Variants in THRA observed in about 807,000 individuals in gnomAD.
The protein encoded by THRA is thyroid hormone receptor alpha.
THRA carries 13 observed loss-of-function variants against 45.0 expected under a neutral mutation model. The observed-to-expected ratio is 0.29, with a 90% CI of 0.19 to 0.46. The LOEUF is 0.46. THRA is among the 20% of genes least tolerant of loss of function. The pLI, the probability that THRA is intolerant of heterozygous loss-of-function variation, is 1.00. For synonymous variants in THRA, 195 were observed against 214.0 expected, an observed-to-expected ratio of 0.91 and a Z score of 0.78; for missense variants, 278 against 556.1, an observed-to-expected ratio of 0.50 and a Z score of 5.03.
At chr17:40,062,563 T>C (rs1986390874), upstream of THRA, 1 of 152,110 alleles carries the variant, frequency 6.6e-6, no homozygotes, top group East Asian at 1.9e-4. Context: ...AGGCTGCTCG[T>C]CGATACTTCC....
At chr17:40,068,806 C>A (rs1986662898) in intron 1 of THRA, 1 of 152,262 alleles carries the variant, frequency 6.6e-6, no homozygotes, top group South Asian at 2.1e-4. Flanking sequence ...CTGCCTGTTT[C>A]TTTTTCTCTT....
rs1987545809 is a variant in THRA, at chr17:40,091,448, C to G, written c.*1992C>G. 1 of 152,514 alleles carries G rather than the reference C, an allele frequency of 6.6e-6. No individual in the cohort carries two copies. The highest frequency in any genetic ancestry group is 2.4e-5 in the African/African-American group (1 of 41,320). 9.4% of individuals were successfully genotyped at this position (152,514 alleles called of 1,614,324 possible). ...CTCGGGCTGCCCGCGCTGTCTTTGT[C>G]TCTATCCTCTCTCTCTCTCCTGGAG... On this transcript the variant is annotated 3_prime_UTR_variant, in exon 9 of 9. Coordinates refer to ENST00000450525, the MANE Select transcript of THRA (RefSeq NM_199334.5).
intron 7 of THRA, among the ~76,000 whole-genome samples, chr17:40,087,485 A>G (rs902072564): frequency 5.3e-5 from 8 of 152,032 alleles, no homozygotes; most frequent in Admixed American, 4.6e-4. Flanking sequence ...ACACACAGGC[A>G]CACACACACA....
Position 40,074,355 on chromosome 17 carries a change from G to A in THRA, c.-134G>A, listed in dbSNP as rs1986877712. ...ATGGTGTGAAAGGCCAAGTGCTGAGGCGGGTATCATGGGTGCTGTGCCCTA... is the reference window on the plus strand; with the variant it reads ...ATGGTGTGAAAGGCCAAGTGCTGAGACGGGTATCATGGGTGCTGTGCCCTA... On this transcript the variant is annotated 5_prime_UTR_variant, in exon 2 of 9. Transcript: ENST00000450525. 1.1e-6 allele frequency: 1 copy of A among 917,370 alleles called. No individual in the cohort carries two copies. The highest frequency in any genetic ancestry group is 1.7e-6 in the Non-Finnish European group (1 of 581,510). The allele number at this position is 917,370 out of a possible 1,614,324, so 56.8% of individuals were successfully genotyped here. A position where few individuals can be genotyped will look rare whatever the true frequency, so the allele number is the denominator to read the frequency against.
At chr17:40,072,572 C>G (rs1048410295) in intron 1 of THRA, among the ~76,000 whole-genome samples, 1 of 152,104 alleles carries the variant, frequency 6.6e-6, no homozygotes, top group Non-Finnish European at 1.5e-5. Flanking sequence ...CACCCAGACC[C>G]GGAGAGAGAG....
intron 4 of THRA, among the ~76,000 whole-genome samples, chr17:40,082,839 TC>T (rs1987191732): frequency 7.3e-6 from 1 of 137,502 alleles, no homozygotes; most frequent in African/African-American, 2.8e-5. Context: ...CGATCTTGGC[TC>T]ACTGCAACCT....
chr17:40,087,127 A>G (rs1396496933), intron 7 of THRA: 1 of 429,426 alleles, frequency 2.3e-6, no homozygotes, highest in African/African-American at 2.0e-5. Flanking sequence ...CACCCAGCAC[A>G]CAGACACACA....
intron 7 of THRA, among the ~76,000 whole-genome samples, chr17:40,087,273 CCACACAGATACATAGACACACA>C (rs1251078799): frequency 5.4e-5 from 7 of 129,160 alleles, no homozygotes; most frequent in African/African-American, 1.8e-4. Flanking sequence ...TAGCACACAG[CCACACAGATACATAGACACACA>C]CACACAGATA....
intron 2 of THRA, among the ~76,000 whole-genome samples, chr17:40,076,606 C>T (rs934261695): frequency 2.0e-5 from 3 of 152,154 alleles, no homozygotes; most frequent in African/African-American, 4.8e-5. Context: ...ATTATGGGTG[C>T]TTCAGGTCTT....
intron 1 of THRA, among the ~76,000 whole-genome samples, chr17:40,067,391 C>G (rs944827360): frequency 1.5e-4 from 23 of 152,332 alleles, no homozygotes; most frequent in Non-Finnish European, 2.8e-4. Context: ...GGAGGCAGTG[C>G]CCTTCCTCCC....
chr17:40,088,323 C>G lies in THRA; in HGVS notation c.805C>G (p.Pro269Ala), dbSNP rs1278947365. Reference protein sequence around the residue: ...MSLRAAVRYDPESDTLTLSGE... With the variant: ...MSLRAAVRYDAESDTLTLSGE... ...CCTGCGGGCGGCTGTCCGCTACGACCCTGAGAGCGACACCCTGACGCTGAG... is the reference window on the plus strand; with the variant it reads ...CCTGCGGGCGGCTGTCCGCTACGACGCTGAGAGCGACACCCTGACGCTGAG... The change falls in exon 8 of 9, where the codon CCT becomes GCT. Residue 269 changes from proline (P) to alanine (A), a missense_variant. This residue lies in a region of THRA where 33 missense variants were observed against 133.2 expected (regional missense o/e 0.25). Transcript: ENST00000450525. The G allele has an allele frequency of 6.2e-7, 1 of 1,613,868 alleles. No individual in the cohort carries two copies. Among genetic ancestry groups the G allele is most frequent in the Non-Finnish European group, 8.5e-7 (1 of 1,179,822 alleles).
intron 2 of THRA, among the ~76,000 whole-genome samples, chr17:40,076,015 G>C (rs1284646985): frequency 6.6e-6 from 1 of 152,212 alleles, no homozygotes; most frequent in East Asian, 1.9e-4. Context: ...TACAATCCTT[G>C]CATGCATGTA....
chr17:40,063,506 T>G (rs896981497), intron 1 of THRA, among the ~76,000 whole-genome samples: 4 of 149,522 alleles, frequency 2.7e-5, no homozygotes, highest in African/African-American at 7.3e-5. Flanking sequence ...CCCTAGCCTC[T>G]GAGGCCCGAG....
At chr17:40,067,300 C>T (rs1422463274) in intron 1 of THRA, among the ~76,000 whole-genome samples, 2 of 152,212 alleles carry the variant, frequency 1.3e-5, no homozygotes, top group Non-Finnish European at 2.9e-5. Context: ...ATCACTGCAT[C>T]TCTGTTCAGG....
At chr17:40,082,690 G>A (rs1044669163) in intron 4 of THRA, among the ~76,000 whole-genome samples, 44 of 151,458 alleles carry the variant, frequency 2.9e-4, no homozygotes, top group Middle Eastern at 6.8e-3. Context: ...TGGTTCCACC[G>A]CGGCTCAAAC....
chr17:40,066,221 C>T (rs945647580), intron 1 of THRA, among the ~76,000 whole-genome samples: 1 of 152,174 alleles, frequency 6.6e-6, no homozygotes, highest in African/African-American at 2.4e-5. Context: ...CAGGAGACAT[C>T]GAGCCCGGGG....
In THRA at chr17:40,086,608, T is replaced by C. The variant is rs931792153; in HGVS notation, c.577-99T>C. The C allele has an allele frequency of 2.7e-6, 4 of 1,493,464 alleles. No homozygotes were observed. In the African/African-American group the frequency reaches 5.6e-5, roughly 21 times the overall value. 92.5% of individuals were successfully genotyped at this position (1,493,464 alleles called of 1,614,324 possible). The stretch of plus-strand genomic sequence containing the variant: ...GGACTCAGGCACGGGCGGCCCCTCT[T>C]CCCCAAGCTGCCTTGGAGCTCCCCC... On this transcript the variant is annotated intron_variant, in intron 6 of 8. Coordinates refer to ENST00000450525, the MANE Select transcript of THRA (RefSeq NM_199334.5).
chr17:40,077,450 C>A, intron 3 of THRA, 58 bp from the exon 4 acceptor site: 1 of 1,480,840 alleles, frequency 6.8e-7, no homozygotes, highest in Non-Finnish European at 9.4e-7. Context: ...AGTGTGAGAG[C>A]CTCTCTGCTG....
chr17:40,070,920 C>G lies in THRA; in HGVS notation c.-297-3272C>G, dbSNP rs114834604. Among the ~76,000 whole-genome samples the G allele has an allele frequency of 8.3e-3, 1,254 of 151,094 alleles. 18 individuals are homozygous for G. The highest frequency in any genetic ancestry group is 0.028 in the African/African-American group (1,169 of 41,130). ...TCTTTGTCTCCCCTCCTTCATGTGT[C>G]TCTCCTCCCTTTATCTGTCCTCCTT... On this transcript the variant is annotated intron_variant, in intron 1 of 8. Transcript: ENST00000450525.
Sources: allele counts gnomAD v4.1 joint callset (sites outside exome capture counted in the v4.1 genomes callset), GRCh38; gene constraint gnomAD v4.1.1; regional missense constraint gnomAD v4.1.1; transcripts MANE v1.5; gene names NCBI Gene and HGNC (gene_info 2026-07-23, HGNC 2026-07-21).